The following IGFL2 variants were observed in gnomAD, a reference collection of about 807,000 sequenced individuals.
The protein encoded by IGFL2 is insulin growth factor-like family member 2.
A neutral mutation model predicts 13.9 loss-of-function variants in IGFL2; 7 were observed. The observed-to-expected ratio is 0.51, with a 90% CI of 0.29 to 0.95. The LOEUF is 0.95. IGFL2 is among the 40% of genes least tolerant of loss of function. The probability of loss-of-function intolerance (pLI) is 0.08; values close to 1 mark genes in which losing one functional copy is unlikely to be tolerated. For synonymous variants in IGFL2, 55 were observed against 55.8 expected, an observed-to-expected ratio of 0.99 and a Z score of 0.07; for missense variants, 138 against 147.8, an observed-to-expected ratio of 0.93 and a Z score of 0.34.
At chr19:46,097,167 C>T in the IGFL2 span, among the ~76,000 whole-genome samples, 71 of 152,240 alleles carry the variant, frequency 4.7e-4, no homozygotes, top group African/African-American at 1.6e-3. Flanking sequence ...GGTTGGTAGA[C>T]TATTTATTAC....
chr19:46,206,313 C>A, the IGFL2 span, among the ~76,000 whole-genome samples: 1 of 152,214 alleles, frequency 6.6e-6, no homozygotes, highest in African/African-American at 2.4e-5. Flanking sequence ...CAAGAGATGG[C>A]AACTCCAGCC....
the IGFL2 span, chr19:46,214,396 T>C: frequency 6.6e-6 from 1 of 152,222 alleles, no homozygotes; most frequent in Non-Finnish European, 1.5e-5. Context: ...TGCTATTGCC[T>C]AAAGTGATGA....
the IGFL2 span, among the ~76,000 whole-genome samples, chr19:46,103,248 A>T: frequency 7.2e-5 from 11 of 152,234 alleles, no homozygotes; most frequent in African/African-American, 2.6e-4. Flanking sequence ...TTTAAAAAAT[A>T]TACAGAGTCC....
At chr19:46,141,617 C>T (rs953960812), upstream of IGFL2, among the ~76,000 whole-genome samples, 27 of 152,100 alleles carry the variant, frequency 1.8e-4, no homozygotes, top group African/African-American at 6.0e-4. Flanking sequence ...CTAGAAACAC[C>T]CAAAACAGGC....
At chr19:46,134,461 A>G in the IGFL2 span, among the ~76,000 whole-genome samples, 1 of 152,172 alleles carries the variant, frequency 6.6e-6, no homozygotes, top group African/African-American at 2.4e-5. Context: ...TATACATTAT[A>G]TATTACATAT....
chr19:46,199,607 G>A, the IGFL2 span, among the ~76,000 whole-genome samples: 1 of 152,174 alleles, frequency 6.6e-6, no homozygotes, highest in African/African-American at 2.4e-5. Context: ...CCCCAGGCCT[G>A]ACTCAGCCAC....
At chr19:46,145,596 ATATATGTGTGTGTG>A (rs992746935), upstream of IGFL2, among the ~76,000 whole-genome samples, 4 of 58,528 alleles carry the variant, frequency 6.8e-5, no homozygotes, top group Non-Finnish European at 1.3e-4. Context: ...ACACACTCAT[ATATATGTGTGTGTG>A]TGTGTGTGTG....
upstream of IGFL2, among the ~76,000 whole-genome samples, chr19:46,146,262 A>G (rs1973132952): frequency 6.6e-6 from 1 of 151,588 alleles, no homozygotes; most frequent in African/African-American, 2.4e-5. Context: ...AATTTACTAT[A>G]TTTGTTTGGG....
the IGFL2 span, among the ~76,000 whole-genome samples, chr19:46,093,015 A>G: frequency 1.3e-5 from 2 of 152,218 alleles, no homozygotes; most frequent in Non-Finnish European, 2.9e-5. Context: ...ATTTTTAACT[A>G]TTAAAGTTCG....
the IGFL2 span, among the ~76,000 whole-genome samples, chr19:46,127,497 G>T: frequency 6.6e-6 from 1 of 152,212 alleles, no homozygotes; most frequent in African/African-American, 2.4e-5. Flanking sequence ...ATAACTTTCT[G>T]TCTGGCACTA....
At chr19:46,131,942 C>T in the IGFL2 span, among the ~76,000 whole-genome samples, 1 of 152,140 alleles carries the variant, frequency 6.6e-6, no homozygotes, top group South Asian at 2.1e-4. Flanking sequence ...CCCTCTCAAA[C>T]AACAACAACA....
At chr19:46,177,917 C>A in the IGFL2 span, among the ~76,000 whole-genome samples, 1 of 152,164 alleles carries the variant, frequency 6.6e-6, no homozygotes, top group East Asian at 1.9e-4. Flanking sequence ...GAAGGGAGGT[C>A]AGACACCCCT....
the IGFL2 span, chr19:46,208,024 A>G: frequency 6.6e-6 from 1 of 152,198 alleles, no homozygotes; most frequent in Non-Finnish European, 1.5e-5. Flanking sequence ...CTCTGACTAC[A>G]CTGAGCGTGG....
the IGFL2 span, among the ~76,000 whole-genome samples, chr19:46,131,912 C>A: frequency 6.6e-6 from 1 of 152,170 alleles, no homozygotes; most frequent in Admixed American, 6.5e-5. Flanking sequence ...GCACTCCAGC[C>A]TGGGGAGCAG....
chr19:46,090,679 G>A, the IGFL2 span, among the ~76,000 whole-genome samples: 1 of 152,218 alleles, frequency 6.6e-6, no homozygotes, highest in African/African-American at 2.4e-5. Context: ...GCTGGCATAT[G>A]CCTGAAGCCT....
the IGFL2 span, among the ~76,000 whole-genome samples, chr19:46,118,735 G>A: frequency 3.3e-5 from 5 of 152,156 alleles, no homozygotes; most frequent in Non-Finnish European, 7.4e-5. Flanking sequence ...TGCACCCCTG[G>A]GAGAGTTACT....
At chr19:46,214,070 G>C in the IGFL2 span, 2 of 152,584 alleles carry the variant, frequency 1.3e-5, no homozygotes, top group Admixed American at 1.3e-4. Context: ...CATGTGTCTG[G>C]GTCCCGCCCC....
chr19:46,148,792 C>T (rs1568423726), intron 1 of IGFL2: 4 of 1,390,194 alleles, frequency 2.9e-6, no homozygotes, highest in East Asian at 2.5e-5. Context: ...TCCCAGAGGT[C>T]CCCTGCCAGC....
chr19:46,117,364 T>C, the IGFL2 span, among the ~76,000 whole-genome samples: 1 of 152,160 alleles, frequency 6.6e-6, no homozygotes, highest in South Asian at 2.1e-4. Context: ...GGATTACAGG[T>C]GTGAGTCATT....
Sources: gnomAD v4.1 joint callset for allele counts (sites outside exome capture counted in the v4.1 genomes callset) on GRCh38, gnomAD v4.1.1 for gene constraint, MANE v1.5 for transcripts, NCBI Gene and HGNC (gene_info 2026-07-23, HGNC 2026-07-21) for gene names.